The following ST7 variants were observed in gnomAD, a reference collection of about 807,000 sequenced individuals.
ST7 encodes the protein suppressor of tumorigenicity 7 protein.
In ST7, 28 loss-of-function variants were observed where a neutral mutation model predicts 78.7. That is an observed-to-expected ratio of 0.36 (90% CI 0.26 to 0.49). The LOEUF (loss-of-function observed/expected upper bound fraction) is 0.49. ST7 is among the 20% of genes least tolerant of loss of function. The pLI, the probability that ST7 is intolerant of heterozygous loss-of-function variation, is 0.99. For synonymous variants in ST7, 247 were observed against 249.6 expected (o/e 0.99, Z 0.10); for missense variants, 418 against 696.0 (o/e 0.60, Z 4.49).
chr7:117,087,332 G>A (rs74915436), intron 1 of ST7, among the ~76,000 whole-genome samples: 32 of 152,094 alleles, frequency 2.1e-4, no homozygotes, highest in Admixed American at 5.2e-4. Flanking sequence ...ATGTAATCTC[G>A]GCTGATAAAA....
intron 10 of ST7, among the ~76,000 whole-genome samples, chr7:117,174,471 G>C (rs1429042644): frequency 6.6e-6 from 1 of 152,112 alleles, no homozygotes; most frequent in African/African-American, 2.4e-5. Flanking sequence ...TAATATCAAA[G>C]TAAAGCCATG....
intron 1 of ST7, among the ~76,000 whole-genome samples, chr7:117,010,232 C>A (rs1397367680): frequency 6.6e-6 from 1 of 152,184 alleles, no homozygotes; most frequent in Non-Finnish European, 1.5e-5. Flanking sequence ...TAGCTGAATT[C>A]TCTCCTCACT....
At chr7:117,177,222 A>G (rs944227110) in intron 10 of ST7, among the ~76,000 whole-genome samples, 2 of 152,238 alleles carry the variant, frequency 1.3e-5, no homozygotes, top group African/African-American at 4.8e-5. Context: ...ATAGACTGTC[A>G]GGGATGAACT....
At chr7:117,074,562 A>G (rs925337489) in intron 1 of ST7, 6 of 152,224 alleles carry the variant, frequency 3.9e-5, no homozygotes, top group African/African-American at 1.2e-4. Flanking sequence ...GCAATTTACA[A>G]ATATCTGTGG....
At chr7:116,974,154 T>C (rs953962468) in intron 1 of ST7, among the ~76,000 whole-genome samples, 2 of 152,242 alleles carry the variant, frequency 1.3e-5, no homozygotes, top group African/African-American at 4.8e-5. Context: ...TTCTCCCATA[T>C]AATTTTTAAA....
At chr7:117,118,612 C>T (rs965815705) in intron 2 of ST7, among the ~76,000 whole-genome samples, 2 of 152,176 alleles carry the variant, frequency 1.3e-5, no homozygotes, top group Non-Finnish European at 2.9e-5. Flanking sequence ...TCCTATGAGA[C>T]TCTGGGATAT....
At chr7:117,028,170 T>C (rs1283357309) in intron 1 of ST7, among the ~76,000 whole-genome samples, 1 of 152,216 alleles carries the variant, frequency 6.6e-6, no homozygotes, top group Non-Finnish European at 1.5e-5. Context: ...ATTTGCCATG[T>C]ACTGGTAAGT....
chr7:117,215,454 G>T (rs1303155491), intron 13 of ST7, among the ~76,000 whole-genome samples: 1 of 152,122 alleles, frequency 6.6e-6, no homozygotes, highest in Non-Finnish European at 1.5e-5. Flanking sequence ...AGGGATATGG[G>T]GGAAAGAGAA....
chr7:117,152,149 T>A (rs1378874014), intron 9 of ST7, among the ~76,000 whole-genome samples: 4 of 130,584 alleles, frequency 3.1e-5, no homozygotes, highest in Non-Finnish European at 6.4e-5. Context: ...TATATATATA[T>A]AAAATATATG....
chr7:117,166,280 T>C (rs73468771), intron 9 of ST7, among the ~76,000 whole-genome samples: 52 of 152,120 alleles, frequency 3.4e-4, no homozygotes, highest in African/African-American at 1.2e-3. Flanking sequence ...AAAATATAGT[T>C]TGTATCCTGC....
At chr7:117,131,677 C>CA (rs1232334464) in intron 5 of ST7, among the ~76,000 whole-genome samples, 5 of 151,756 alleles carry the variant, frequency 3.3e-5, no homozygotes, top group Admixed American at 2.0e-4. Context: ...TTTGTGAGCA[C>CA]AAAAAAGGTT....
At chr7:117,200,366 A>G (rs866113851) in intron 12 of ST7, among the ~76,000 whole-genome samples, 52 of 152,240 alleles carry the variant, frequency 3.4e-4, no homozygotes, top group Admixed American at 1.2e-3. Context: ...CCCATAGAGG[A>G]GGAGGCCTCC....
chr7:117,216,302 T>C (rs998102473), intron 13 of ST7, among the ~76,000 whole-genome samples: 139 of 152,324 alleles, frequency 9.1e-4, no homozygotes, highest in African/African-American at 3.3e-3. Flanking sequence ...CAGAGGAAAG[T>C]GCAGAAATAT....
chr7:117,148,386 A>G (rs191214790), intron 9 of ST7, among the ~76,000 whole-genome samples: 99 of 152,306 alleles, frequency 6.5e-4, no homozygotes, highest in African/African-American at 1.9e-3. Flanking sequence ...CAAGCTTCCT[A>G]TAAGTTTTTG....
intron 14 of ST7, among the ~76,000 whole-genome samples, chr7:117,220,577 A>G (rs1793016326): frequency 6.6e-6 from 1 of 152,240 alleles, no homozygotes; most frequent in African/African-American, 2.4e-5. Flanking sequence ...AGTTCTTAAG[A>G]GAAACCTTAT....
intron 1 of ST7, among the ~76,000 whole-genome samples, chr7:117,046,243 C>T (rs986532340): frequency 6.6e-6 from 1 of 152,126 alleles, no homozygotes; most frequent in Non-Finnish European, 1.5e-5. Context: ...TTTCCCGCAG[C>T]ATATAAGACG....
chr7:117,119,522 A>C (rs908625133), intron 2 of ST7, 39 bp from the exon 3 acceptor site: 1 of 1,589,278 alleles, frequency 6.3e-7, no homozygotes, highest in Non-Finnish European at 8.5e-7. Flanking sequence ...GTCGTAAATG[A>C]TAACAGTGAC....
chr7:117,038,338 T>C (rs546613468), intron 1 of ST7, among the ~76,000 whole-genome samples: 2 of 152,362 alleles, frequency 1.3e-5, no homozygotes, highest in South Asian at 4.1e-4. Flanking sequence ...TGAGAGCTAT[T>C]TTTTAGAACA....
chr7:117,035,155 A>C (rs980798372), intron 1 of ST7, among the ~76,000 whole-genome samples: 25 of 148,710 alleles, frequency 1.7e-4, no homozygotes, highest in African/African-American at 6.0e-4. Context: ...GATATAAAAT[A>C]CACAGGTCCC....
Sources: allele counts gnomAD v4.1 joint callset (sites outside exome capture counted in the v4.1 genomes callset), GRCh38; gene constraint gnomAD v4.1.1; transcripts MANE v1.5; gene names NCBI Gene and HGNC (gene_info 2026-07-23, HGNC 2026-07-21).